The following KCNN3 variants were observed in gnomAD, a reference collection of about 807,000 sequenced individuals.
The protein encoded by KCNN3 is small conductance calcium-activated potassium channel protein 3.
KCNN3 carries 16 observed loss-of-function variants against 62.9 expected under a neutral mutation model. That is an observed-to-expected ratio of 0.25 (90% CI 0.17 to 0.39). The LOEUF is 0.39. KCNN3 is among the 10% of genes least tolerant of loss of function. The pLI is 1.00. For missense variants in KCNN3, 599 were observed against 949.4 expected (o/e 0.63, Z 4.85); for synonymous variants, 370 against 389.2 (o/e 0.95, Z 0.58).
At chr1:154,798,101 C>T (rs1649805468) in intron 2 of KCNN3, among the ~76,000 whole-genome samples, 1 of 152,180 alleles carries the variant, frequency 6.6e-6, no homozygotes, top group South Asian at 2.1e-4. Context: ...GGGTACAATT[C>T]CTGGGACAGG....
chr1:154,703,401 C>G lies in KCNN3; in HGVS notation c.*4575G>C, dbSNP rs998763968. On this transcript the variant is annotated 3_prime_UTR_variant, in exon 8 of 8. Transcript: ENST00000271915. ...TTGTTCGTGCCTACTGGGAAGTCAC[C>G]AGATAGCTGTCTAAGGTACTGAAAT... The G allele has an allele frequency of 9.9e-5, 15 of 152,158 alleles. No individual in the cohort carries two copies. The highest frequency in any genetic ancestry group is 3.6e-4 in the African/African-American group (15 of 41,422). The allele number at this position is 152,158 out of a possible 1,614,324, so 9.4% of individuals were successfully genotyped here.
chr1:154,762,546 A>G (rs907269979), intron 3 of KCNN3, among the ~76,000 whole-genome samples: 4 of 152,174 alleles, frequency 2.6e-5, no homozygotes, highest in African/African-American at 9.7e-5. Flanking sequence ...ACTGCTTTGT[A>G]TAATAGGGAT....
At chr1:154,721,401 G>T (rs1700344470) in intron 5 of KCNN3, among the ~76,000 whole-genome samples, 1 of 150,698 alleles carries the variant, frequency 6.6e-6, no homozygotes, top group Non-Finnish European at 1.5e-5. Context: ...CTGGGTTCAA[G>T]CAATTCTCCT....
At chr1:154,836,026 A>G (rs1291677894) in intron 1 of KCNN3, among the ~76,000 whole-genome samples, 1 of 152,218 alleles carries the variant, frequency 6.6e-6, no homozygotes, top group East Asian at 1.9e-4. Flanking sequence ...GGGCGTCTGG[A>G]GGCAGACTTG....
At chr1:154,745,068 A>T (rs936794136) in intron 3 of KCNN3, among the ~76,000 whole-genome samples, 6 of 152,196 alleles carry the variant, frequency 3.9e-5, no homozygotes, top group Admixed American at 3.9e-4. Flanking sequence ...ACATGCATGT[A>T]TAAAGCCACC....
chr1:154,857,144 T>C (rs1652570627), intron 1 of KCNN3, among the ~76,000 whole-genome samples: 1 of 152,184 alleles, frequency 6.6e-6, no homozygotes, highest in African/African-American at 2.4e-5. Flanking sequence ...GGCAGTGCCC[T>C]TGTCTCATTT....
chr1:154,746,120 G>A (rs546156220), intron 3 of KCNN3, among the ~76,000 whole-genome samples: 19 of 152,292 alleles, frequency 1.2e-4, no homozygotes, highest in African/African-American at 4.1e-4. Context: ...TAGTAAATGA[G>A]TTCATTTGGT....
At chr1:154,787,012 C>T (rs573581532) in intron 2 of KCNN3, among the ~76,000 whole-genome samples, 1 of 152,148 alleles carries the variant, frequency 6.6e-6, no homozygotes, top group Non-Finnish European at 1.5e-5. Flanking sequence ...TACAGCCCTG[C>T]TAGAAGTGTT....
At chr1:154,794,012 T>C (rs1649625414) in intron 2 of KCNN3, among the ~76,000 whole-genome samples, 1 of 152,192 alleles carries the variant, frequency 6.6e-6, no homozygotes, top group Non-Finnish European at 1.5e-5. Context: ...TGCCTGGTGG[T>C]TTCCTGTTGT....
intron 3 of KCNN3, among the ~76,000 whole-genome samples, chr1:154,756,294 G>A (rs1647702123): frequency 6.6e-6 from 1 of 152,032 alleles, no homozygotes; most frequent in South Asian, 2.1e-4. Flanking sequence ...AAAGGAGGAG[G>A]AGGAGGAAGA....
chr1:154,746,057 G>A (rs1700929592), intron 3 of KCNN3, among the ~76,000 whole-genome samples: 1 of 152,168 alleles, frequency 6.6e-6, no homozygotes, highest in Non-Finnish European at 1.5e-5. Context: ...CCTTGCACGG[G>A]ACTAGTGAAA....
chr1:154,844,518 C>G (rs542412913), intron 1 of KCNN3, among the ~76,000 whole-genome samples: 2 of 152,320 alleles, frequency 1.3e-5, no homozygotes, highest in East Asian at 3.9e-4. Context: ...TGGAGTAGTC[C>G]CCAGTGGGGC....
intron 3 of KCNN3, among the ~76,000 whole-genome samples, chr1:154,739,570 C>G (rs1015135024): frequency 6.6e-6 from 1 of 152,236 alleles, no homozygotes; most frequent in Non-Finnish European, 1.5e-5. Context: ...AAAATGACCT[C>G]GATATCCCCC....
intron 2 of KCNN3, among the ~76,000 whole-genome samples, chr1:154,784,945 C>CT (rs2101854924): frequency 1.2e-5 from 1 of 83,060 alleles, no homozygotes; most frequent in African/African-American, 4.9e-5. Flanking sequence ...GCTCTCTTGA[C>CT]TACTGTGTGT....
At chr1:154,789,519 G>A (rs1034127053) in intron 2 of KCNN3, among the ~76,000 whole-genome samples, 5 of 152,248 alleles carry the variant, frequency 3.3e-5, no homozygotes, top group African/African-American at 4.8e-5. Flanking sequence ...CTAGGAAGAC[G>A]TTGTCATTAT....
intron 3 of KCNN3, among the ~76,000 whole-genome samples, chr1:154,742,076 C>T (rs762555607): frequency 2.1e-4 from 32 of 152,372 alleles, no homozygotes; most frequent in Non-Finnish European, 4.3e-4. Context: ...CTCCCGCCTT[C>T]GACTGTGCCT....
At chr1:154,745,635 A>G (rs888614630) in intron 3 of KCNN3, among the ~76,000 whole-genome samples, 7 of 152,200 alleles carry the variant, frequency 4.6e-5, no homozygotes, top group Non-Finnish European at 5.9e-5. Context: ...ATTTGAGGGA[A>G]GCCAGCTGCC....
At chr1:154,840,329 G>C (rs1651775053) in intron 1 of KCNN3, among the ~76,000 whole-genome samples, 1 of 152,150 alleles carries the variant, frequency 6.6e-6, no homozygotes, top group East Asian at 1.9e-4. Flanking sequence ...AGAAATCAAA[G>C]CATTTGCAAA....
chr1:154,711,340 T>C (rs1414671752), intron 7 of KCNN3, among the ~76,000 whole-genome samples: 1 of 97,522 alleles, frequency 1.0e-5, no homozygotes, highest in Non-Finnish European at 1.9e-5. Flanking sequence ...CCAGGGACTG[T>C]TGTGGGGTGG....
Sources: gnomAD v4.1 joint callset for allele counts (sites outside exome capture counted in the v4.1 genomes callset) on GRCh38, gnomAD v4.1.1 for gene constraint, MANE v1.5 for transcripts, NCBI Gene and HGNC (gene_info 2026-07-23, HGNC 2026-07-21) for gene names.